Variants in TUSC3 observed in about 807,000 individuals in gnomAD.
TUSC3 encodes the protein tumor suppressor candidate 3, also known as dolichyl-diphosphooligosaccharide--protein glycosyltransferase subunit TUSC3.
TUSC3 carries 45 observed loss-of-function variants against 44.8 expected under a neutral mutation model. The observed-to-expected ratio is 1.00, with a 90% CI of 0.79 to 1.29. The LOEUF (loss-of-function observed/expected upper bound fraction) is 1.29. Ranked by LOEUF, TUSC3 falls within the 50% of genes most tolerant of loss-of-function variation. TUSC3 has a pLI of 0.00. For missense variants in TUSC3, 519 were observed against 437.9 expected (o/e 1.19, Z -1.65); for synonymous variants, 212 against 152.9 (o/e 1.39, Z -2.85).
the TUSC3 span, among the ~76,000 whole-genome samples, chr8:15,811,202 A>G: frequency 3.9e-5 from 6 of 152,198 alleles, no homozygotes; most frequent in African/African-American, 1.4e-4. Context: ...GAAGCTAACA[A>G]GCAGCTCCCA....
intron 1 of TUSC3, among the ~76,000 whole-genome samples, chr8:15,461,710 G>C (rs536051181): frequency 1.3e-5 from 2 of 150,238 alleles, no homozygotes; most frequent in Non-Finnish European, 3.0e-5. Context: ...TACGTCCCTT[G>C]TGTGCCAATT....
chr8:15,760,065 C>T (rs1812108846), intron 10 of TUSC3, among the ~76,000 whole-genome samples: 4 of 152,066 alleles, frequency 2.6e-5, no homozygotes, highest in Admixed American at 6.6e-5. Context: ...GTCATTATCC[C>T]CCATAATACA....
intron 7 of TUSC3, among the ~76,000 whole-genome samples, chr8:15,741,579 C>G (rs1218422160): frequency 6.6e-6 from 1 of 151,734 alleles, no homozygotes; most frequent in Non-Finnish European, 1.5e-5. Context: ...TCCAGCCACT[C>G]GAGACACTGA....
At chr8:15,849,699 C>T in the TUSC3 span, among the ~76,000 whole-genome samples, 1 of 152,182 alleles carries the variant, frequency 6.6e-6, no homozygotes, top group East Asian at 1.9e-4. Context: ...CTGTGATGAA[C>T]CTGGGCTTTG....
chr8:15,814,154 T>C, the TUSC3 span, among the ~76,000 whole-genome samples: 1 of 152,216 alleles, frequency 6.6e-6, no homozygotes, highest in Non-Finnish European at 1.5e-5. Context: ...CAGGTTTCTC[T>C]TACCAGAATG....
At chr8:15,533,417 A>G (rs1172742715) in intron 2 of TUSC3, among the ~76,000 whole-genome samples, 1 of 152,192 alleles carries the variant, frequency 6.6e-6, no homozygotes, top group Non-Finnish European at 1.5e-5. Flanking sequence ...GAACAGAGGG[A>G]TGACTTTGAG....
At chr8:15,753,230 A>C (rs1359539497) in intron 9 of TUSC3, among the ~76,000 whole-genome samples, 1 of 151,992 alleles carries the variant, frequency 6.6e-6, no homozygotes. Context: ...CAATTTAAAA[A>C]ATCCCTCTAA....
At chr8:15,730,002 A>G (rs1810652849) in intron 6 of TUSC3, among the ~76,000 whole-genome samples, 1 of 152,118 alleles carries the variant, frequency 6.6e-6, no homozygotes, top group African/African-American at 2.4e-5. Context: ...TTATATAAAT[A>G]GAAAATAGGA....
chr8:15,847,740 C>G, the TUSC3 span, among the ~76,000 whole-genome samples: 1 of 152,116 alleles, frequency 6.6e-6, no homozygotes, highest in African/African-American at 2.4e-5. Flanking sequence ...AATTATGGAT[C>G]TCAATTTTCA....
chr8:15,478,283 T>A (rs1800609277), intron 1 of TUSC3, among the ~76,000 whole-genome samples: 1 of 152,192 alleles, frequency 6.6e-6, no homozygotes, highest in African/African-American at 2.4e-5. Flanking sequence ...AATTTTATTC[T>A]TTTTTAAGTT....
chr8:15,749,105 C>T (rs1307611065), intron 9 of TUSC3, among the ~76,000 whole-genome samples: 1 of 132,912 alleles, frequency 7.5e-6, no homozygotes, highest in South Asian at 2.7e-4. Context: ...CTTTTTCCTC[C>T]TTCAAGTTTT....
intron 7 of TUSC3, among the ~76,000 whole-genome samples, chr8:15,736,907 C>T (rs1057295929): frequency 6.6e-6 from 1 of 152,030 alleles, no homozygotes. Context: ...GCTTTAGTGT[C>T]AACTATATAA....
intron 1 of TUSC3, among the ~76,000 whole-genome samples, chr8:15,564,854 G>A (rs576631299): frequency 6.6e-6 from 1 of 152,040 alleles, no homozygotes; most frequent in East Asian, 1.9e-4. Flanking sequence ...AAGCTTCCCC[G>A]TGTGGTTCTG....
chr8:15,851,371 A>G, the TUSC3 span, among the ~76,000 whole-genome samples: 1 of 152,334 alleles, frequency 6.6e-6, no homozygotes, highest in Non-Finnish European at 1.5e-5. Flanking sequence ...ATAGGTAATT[A>G]TTTTCCATAA....
the TUSC3 span, among the ~76,000 whole-genome samples, chr8:15,828,031 G>C: frequency 7.8e-6 from 1 of 127,882 alleles, no homozygotes; most frequent in East Asian, 2.1e-4. Context: ...TTTCACACTT[G>C]TTGCCCAGGC....
At chr8:15,504,947 T>C (rs1236188860) in intron 2 of TUSC3, among the ~76,000 whole-genome samples, 1 of 152,000 alleles carries the variant, frequency 6.6e-6, no homozygotes, top group Non-Finnish European at 1.5e-5. Flanking sequence ...TGCGTCTTTC[T>C]TTCCGTAATT....
chr8:15,738,388 T>G (rs935978963), intron 7 of TUSC3, among the ~76,000 whole-genome samples: 1 of 152,194 alleles, frequency 6.6e-6, no homozygotes, highest in African/African-American at 2.4e-5. Context: ...CACCTTAAAA[T>G]CTTTACAGCA....
chr8:15,438,933 C>A (rs193002286), intron 1 of TUSC3, among the ~76,000 whole-genome samples: 1 of 152,062 alleles, frequency 6.6e-6, no homozygotes, highest in Non-Finnish European at 1.5e-5. Flanking sequence ...ATGGTGTGGT[C>A]GCAAGGAGAG....
the TUSC3 span, among the ~76,000 whole-genome samples, chr8:15,776,506 C>G: frequency 2.0e-5 from 3 of 152,104 alleles, no homozygotes; most frequent in Non-Finnish European, 1.5e-5. Context: ...AATTTCTCAT[C>G]TGCCCATGTC....
Sources: allele counts gnomAD v4.1 joint callset (sites outside exome capture counted in the v4.1 genomes callset), GRCh38; gene constraint gnomAD v4.1.1; transcripts MANE v1.5; gene names NCBI Gene and HGNC (gene_info 2026-07-23, HGNC 2026-07-21).